Variants in CFAP92 observed in about 807,000 individuals in gnomAD.
CFAP92 encodes the protein uncharacterized protein CFAP92.
Under a neutral mutation model 106.3 loss-of-function variants are expected in CFAP92, and 86 were observed. The ratio of observed to expected loss-of-function variants is 0.81; its 90% CI spans 0.68 to 0.97. The LOEUF is 0.97. CFAP92 is among the 50% of genes least tolerant of loss of function. The pLI is 0.00. For synonymous variants in CFAP92, 477 were observed against 506.4 expected, an observed-to-expected ratio of 0.94 and a Z score of 0.78; for missense variants, 1,204 against 1,283.8, an observed-to-expected ratio of 0.94 and a Z score of 0.95.
the CFAP92 span, among the ~76,000 whole-genome samples, chr3:129,017,491 C>G: frequency 6.6e-6 from 1 of 152,224 alleles, no homozygotes; most frequent in Admixed American, 6.5e-5. Flanking sequence ...GGTCTGGACC[C>G]CCTGGGAAAG....
At chr3:128,976,605 C>T (rs1295132969) in intron 6 of CFAP92, among the ~76,000 whole-genome samples, 1 of 152,146 alleles carries the variant, frequency 6.6e-6, no homozygotes, top group Non-Finnish European at 1.5e-5. Flanking sequence ...AGCAACTGAC[C>T]TCATGCAGGA....
intron 9 of CFAP92, among the ~76,000 whole-genome samples, chr3:128,958,230 A>G (rs1941598301): frequency 2.0e-5 from 3 of 152,240 alleles, no homozygotes; most frequent in Non-Finnish European, 4.4e-5. Context: ...ATCCTTAACA[A>G]TAACATTTTC....
At chr3:129,014,385 TCGCAGCGTTGG>T in the CFAP92 span, among the ~76,000 whole-genome samples, 12 of 152,254 alleles carry the variant, frequency 7.9e-5, 1 homozygote, top group East Asian at 2.1e-3. The surrounding 1 kb of genome is among the most constrained non-coding windows in gnomAD (Gnocchi z 4.3). Context: ...GAGTGCGGTG[TCGCAGCGTTGG>T]CTTCTCCTGC....
At chr3:128,913,747 G>A (rs1332659308) in intron 15 of CFAP92, among the ~76,000 whole-genome samples, 1 of 152,174 alleles carries the variant, frequency 6.6e-6, no homozygotes, top group African/African-American at 2.4e-5. Context: ...AATGGGGAAA[G>A]TTTGTAAATA....
intron 15 of CFAP92, chr3:128,910,736 G>A: frequency 6.2e-7 from 1 of 1,614,180 alleles, no homozygotes; most frequent in Non-Finnish European, 8.5e-7. Context: ...CCTCGGTTCT[G>A]GCAGGTTCTC....
intron 9 of CFAP92, among the ~76,000 whole-genome samples, chr3:128,962,997 CT>C (rs1212367928): frequency 2.0e-5 from 3 of 152,226 alleles, no homozygotes; most frequent in Admixed American, 2.0e-4. Flanking sequence ...CCCAGCCTCT[CT>C]TTGCCTTCAC....
intron 15 of CFAP92, among the ~76,000 whole-genome samples, chr3:128,912,161 C>T (rs1936397301): frequency 6.6e-6 from 1 of 152,170 alleles, no homozygotes; most frequent in African/African-American, 2.4e-5. Flanking sequence ...CCCAGACACC[C>T]CCCCAGTGCT....
intron 12 of CFAP92, among the ~76,000 whole-genome samples, chr3:128,929,410 A>G (rs905513897): frequency 6.6e-6 from 1 of 152,172 alleles, no homozygotes; most frequent in African/African-American, 2.4e-5. Context: ...TGACCCAGCA[A>G]TTCCACTCCT....
At chr3:128,942,798 C>G (rs1939778561) in intron 10 of CFAP92, among the ~76,000 whole-genome samples, 1 of 151,194 alleles carries the variant, frequency 6.6e-6, no homozygotes, top group African/African-American at 2.4e-5. Context: ...CTCAGCCTCC[C>G]AAGTTCCCAA....
chr3:129,005,985 C>T (rs1257096536), upstream of CFAP92, among the ~76,000 whole-genome samples: 1 of 152,406 alleles, frequency 6.6e-6, no homozygotes, highest in South Asian at 2.1e-4. Flanking sequence ...CAAGTGACTA[C>T]AAACATTGGC....
the CFAP92 span, among the ~76,000 whole-genome samples, chr3:129,026,138 G>A: frequency 6.6e-6 from 1 of 152,258 alleles, no homozygotes; most frequent in Non-Finnish European, 1.5e-5. Flanking sequence ...ACAGCTTTCA[G>A]AACATTCTGA....
chr3:129,014,222 C>T, the CFAP92 span, among the ~76,000 whole-genome samples: 1 of 152,232 alleles, frequency 6.6e-6, no homozygotes, highest in Admixed American at 6.5e-5. This position sits in a 1 kb window ranked among gnomAD's most constrained non-coding sequence, Gnocchi z 4.3. Context: ...TGGACCAACT[C>T]TCAGTGCGTT....
At chr3:128,940,853 A>G (rs568817480) in intron 10 of CFAP92, among the ~76,000 whole-genome samples, 1 of 152,228 alleles carries the variant, frequency 6.6e-6, no homozygotes, top group East Asian at 1.9e-4. Context: ...TAAAATTCCA[A>G]CAGCTTTTAA....
intron 12 of CFAP92, among the ~76,000 whole-genome samples, chr3:128,929,716 A>G (rs1938123389): frequency 6.6e-6 from 1 of 152,250 alleles, no homozygotes; most frequent in Non-Finnish European, 1.5e-5. Context: ...ATATTCAGAC[A>G]AGTCAAATCT....
chr3:129,002,017 G>C (rs1391726185), intron 1 of CFAP92: 12 of 1,545,430 alleles, frequency 7.8e-6, no homozygotes, highest in Non-Finnish European at 1.0e-5. Context: ...GAAGAGGCGC[G>C]CCTGGCGCTG....
At chr3:128,996,397 T>G (rs1944481223), upstream of CFAP92, among the ~76,000 whole-genome samples, 2 of 152,152 alleles carry the variant, frequency 1.3e-5, no homozygotes, top group South Asian at 4.1e-4. Context: ...TATTTTTAAA[T>G]TACCACCAAG....
rs1248143176 is a variant in CFAP92, at chr3:128,945,327, TAAAGTC to T, written c.1996_2001del (p.Asp666_Phe667del). 5 of 1,535,972 alleles carry T rather than the reference TAAAGTC, an allele frequency of 3.3e-6. No homozygotes were observed. Among genetic ancestry groups the T allele is most frequent in the Non-Finnish European group, 4.4e-6 (5 of 1,146,902 alleles). On this transcript the variant is annotated inframe_deletion, in exon 10 of 16. Coordinates refer to ENST00000645291, the MANE Select transcript of CFAP92 (RefSeq NM_001394090.1). Reference sequence around the variant, plus strand: ...AGGCTGTGGAGCAGGGAGACCTTCTTAAAGTCAAAGACGAAGATGATGCGGCCAAAC... The same window carrying T: ...AGGCTGTGGAGCAGGGAGACCTTCTTAAAGACGAAGATGATGCGGCCAAAC...
chr3:129,021,252 C>T, the CFAP92 span, among the ~76,000 whole-genome samples: 1 of 152,194 alleles, frequency 6.6e-6, no homozygotes, highest in Non-Finnish European at 1.5e-5. Flanking sequence ...CCACCTCTGT[C>T]TTATATATAA....
At chr3:128,931,507 GTA>G (rs1489265039) in intron 12 of CFAP92, among the ~76,000 whole-genome samples, 4 of 120,652 alleles carry the variant, frequency 3.3e-5, no homozygotes, top group South Asian at 4.9e-4. Context: ...ATGTATATAT[GTA>G]TATATATGTA....
Sources: allele counts gnomAD v4.1 joint callset (sites outside exome capture counted in the v4.1 genomes callset), GRCh38; gene constraint gnomAD v4.1.1; non-coding constraint Gnocchi (gnomAD v3.1); transcripts MANE v1.5; gene names NCBI Gene and HGNC (gene_info 2026-07-23, HGNC 2026-07-21).